The following SVIL variants were observed in gnomAD, a reference collection of about 807,000 sequenced individuals.
The protein encoded by SVIL is supervillin.
SVIL carries 101 observed loss-of-function variants against 240.4 expected under a neutral mutation model. The ratio of observed to expected loss-of-function variants is 0.42; its 90% CI spans 0.36 to 0.50. SVIL has a LOEUF of 0.50. Ranked by LOEUF, SVIL falls within the 20% of genes least tolerant of loss-of-function variation. The pLI is 0.01. For synonymous variants in SVIL, 999 were observed against 1,100.0 expected (o/e 0.91, Z 1.82); for missense variants, 2,512 against 2,818.7 (o/e 0.89, Z 2.46).
intron 1 of SVIL, among the ~76,000 whole-genome samples, chr10:29,577,750 G>A (rs1955767057): frequency 6.6e-6 from 1 of 152,066 alleles, no homozygotes; most frequent in Non-Finnish European, 1.5e-5. Flanking sequence ...GTTCCTTAAG[G>A]AATGCCAATA....
chr10:29,546,921 TCCACAAAAAA>T (rs1952746429), intron 6 of SVIL, among the ~76,000 whole-genome samples: 1 of 152,112 alleles, frequency 6.6e-6, no homozygotes, highest in Non-Finnish European at 1.5e-5. Flanking sequence ...CAGAAAAAAA[TCCACAAAAAA>T]CCACAGCATT....
chr10:29,673,580 GGAGA>G (rs67240015), intron 2 of SVIL, among the ~76,000 whole-genome samples: 24,513 of 142,590 alleles, frequency 0.17, 2,170 homozygotes, highest in Middle Eastern at 0.33. Flanking sequence ...GCATTAGGGG[GGAGA>G]GAGAGAGAGA....
intron 1 of SVIL, among the ~76,000 whole-genome samples, chr10:29,710,207 C>G (rs1439243606): frequency 3.9e-5 from 6 of 152,116 alleles, no homozygotes; most frequent in African/African-American, 1.4e-4. Context: ...GTGCGCGCCA[C>G]CATGCCCGGC....
chr10:29,640,950 G>C (rs1007540753), intron 3 of SVIL, among the ~76,000 whole-genome samples: 1 of 152,198 alleles, frequency 6.6e-6, no homozygotes, highest in African/African-American at 2.4e-5. Context: ...TCAAGCATAG[G>C]CCTGGCAGGT....
chr10:29,631,313 G>T (rs1329098408), intron 1 of SVIL, among the ~76,000 whole-genome samples: 1 of 152,248 alleles, frequency 6.6e-6, no homozygotes, highest in East Asian at 1.9e-4. Flanking sequence ...GAGGGCCAAG[G>T]GATCCATTAA....
At chr10:29,525,966 G>A (rs945137280) in intron 13 of SVIL, among the ~76,000 whole-genome samples, 3 of 152,150 alleles carry the variant, frequency 2.0e-5, no homozygotes, top group Admixed American at 6.5e-5. Context: ...CCCTGCTGTG[G>A]GTGTACCAGC....
intron 1 of SVIL, among the ~76,000 whole-genome samples, chr10:29,696,528 A>C (rs1322727802): frequency 6.7e-6 from 1 of 148,722 alleles, no homozygotes; most frequent in African/African-American, 2.5e-5. Context: ...CCCGGCCACC[A>C]TCCCATCTAG....
At chr10:29,556,705 G>T (rs947033213) in intron 3 of SVIL, among the ~76,000 whole-genome samples, 3 of 152,130 alleles carry the variant, frequency 2.0e-5, no homozygotes, top group African/African-American at 7.2e-5. Flanking sequence ...AGAAGACAGG[G>T]GTATAATGAG....
intron 2 of SVIL, among the ~76,000 whole-genome samples, chr10:29,672,153 C>A (rs1435770456): frequency 6.6e-6 from 1 of 152,164 alleles, no homozygotes; most frequent in Non-Finnish European, 1.5e-5. Flanking sequence ...ACATCACTGC[C>A]AATTTTTGCC....
intron 6 of SVIL, chr10:29,545,043 A>G (rs759920200): frequency 7.5e-6 from 4 of 534,584 alleles, no homozygotes; most frequent in Non-Finnish European, 1.5e-5. Flanking sequence ...AGCCTGTGTC[A>G]GAAAACCTGC....
intron 1 of SVIL, among the ~76,000 whole-genome samples, chr10:29,602,536 T>G (rs2488678): frequency 0.21 from 32,071 of 152,162 alleles, 3,413 homozygotes; most frequent in Middle Eastern, 0.26. Flanking sequence ...TTATTCATGA[T>G]TATAAATTCT....
rs756103238 is a variant in SVIL at position 29,531,263 on chromosome 10, T to C, written c.2035A>G (p.Thr679Ala). ...GGAAACAGGTACTTGCCATCGACAG[T>C]TGGCGTTTCTGAATGTGAAGTGCAC... The part of the protein sequence containing the change: ...DRCTSHSETP[T>A]VDDEEKVDER... Residue 679 changes from threonine to alanine, a missense_variant, in exon 10 of 38, where the codon ACT becomes GCT. Coordinates refer to ENST00000355867, the MANE Select transcript of SVIL (RefSeq NM_021738.3). 3 of 1,613,906 alleles carry C rather than the reference T, an allele frequency of 1.9e-6. No homozygotes were observed. Among genetic ancestry groups the C allele is most frequent in the African/African-American group, 2.7e-5 (2 of 74,934 alleles).
intron 1 of SVIL, among the ~76,000 whole-genome samples, chr10:29,725,786 T>C (rs1352846455): frequency 6.6e-6 from 1 of 152,124 alleles, no homozygotes; most frequent in Non-Finnish European, 1.5e-5. Flanking sequence ...TGGCAAAACA[T>C]TGAATATGAA....
rs143575657 is a variant in SVIL at position 29,712,463 on chromosome 10, C to T, written c.-400+23288G>A. Among the ~76,000 whole-genome samples the T allele has an allele frequency of 1.0e-2, 1,520 of 152,324 alleles. 34 individuals are homozygous for T. Among genetic ancestry groups the T allele is most frequent in the African/African-American group, 0.034 (1,401 of 41,566 alleles). ...TCTCTCTTGCCTTCTCTCTCGCTAT[C>T]TGATCTCTGCACATGCCAGCTCCTC... is the stretch of plus-strand genomic sequence containing the variant. On this transcript the variant is annotated intron_variant, in intron 1 of 35. Coordinates refer to the SVIL transcript ENST00000375400.
Position 29,470,311 on chromosome 10 carries a change from C to T in SVIL, c.5808G>A (p.Glu1936=). The T allele has an allele frequency of 6.2e-7, 1 of 1,614,242 alleles. No homozygotes were observed. The highest frequency in any genetic ancestry group is 8.5e-7 in the Non-Finnish European group (1 of 1,180,042). ...TCTTGTTCGCAGCGGTCCTTCCGACCTCCTTCGTGTGGGCCTGGGCTTTGC... is the reference window on the plus strand; with the variant it reads ...TCTTGTTCGCAGCGGTCCTTCCGACTTCCTTCGTGTGGGCCTGGGCTTTGC... The part of the protein sequence containing the change: ...HGCKAQAHTK[E]VGRTAANKIK... The change falls in exon 32 of 38, where the codon GAG becomes GAA. Residue 1936 remains glutamate, a synonymous_variant. Coordinates refer to ENST00000355867, the MANE Select transcript of SVIL (RefSeq NM_021738.3).
intron 2 of SVIL, among the ~76,000 whole-genome samples, chr10:29,669,842 T>C (rs11812679): frequency 0.028 from 4,284 of 152,266 alleles, 204 homozygotes; most frequent in African/African-American, 0.097. Flanking sequence ...TTGCCGGCTG[T>C]GGTGGCAACG....
intron 16 of SVIL, among the ~76,000 whole-genome samples, chr10:29,518,360 C>T (rs542422650): frequency 1.3e-5 from 2 of 151,824 alleles, no homozygotes; most frequent in Non-Finnish European, 2.9e-5. Context: ...TGCACTCCAG[C>T]GTGGGCTACA....
chr10:29,532,685 T>A lies in SVIL; in HGVS notation c.1682A>T (p.Lys561Met). The A allele has an allele frequency of 1.9e-6, 3 of 1,614,216 alleles. No homozygotes were observed. Among genetic ancestry groups the A allele is most frequent in the Non-Finnish European group, 2.5e-6 (3 of 1,180,032 alleles). Residue 561 changes from lysine (K) to methionine (M), a missense_variant, in exon 8 of 38, where the codon AAG (lysine) becomes ATG (methionine). Around this residue, in one of 3 missense-constraint regions of SVIL, gnomAD observed 1,443 missense variants for 1,486.6 expected, o/e 0.97. Transcript: ENST00000355867. ...FTGPPQLQAL[K>M]YKDPASRREL... The stretch of plus-strand genomic sequence containing the variant: ...TCTCCTGGAAGCTGGGTCCTTATAC[T>A]TCAAGGCCTGGAGCTGAGGGGGGCC...
chr10:29,545,559 G>A (rs954859481), intron 6 of SVIL, among the ~76,000 whole-genome samples: 1 of 152,102 alleles, frequency 6.6e-6, no homozygotes, highest in Non-Finnish European at 1.5e-5. Context: ...ATCACCACTA[G>A]AAAATGAGGT....
Sources: gnomAD v4.1 joint callset for allele counts (sites outside exome capture counted in the v4.1 genomes callset) on GRCh38, gnomAD v4.1.1 for gene constraint, gnomAD v4.1.1 regional missense constraint, MANE v1.5 for transcripts, NCBI Gene and HGNC (gene_info 2026-07-23, HGNC 2026-07-21) for gene names.